The following WDPCP variants were observed in gnomAD, a reference collection of about 807,000 sequenced individuals.
The protein encoded by WDPCP is WD repeat-containing and planar cell polarity effector protein fritz homolog.
A neutral mutation model predicts 93.1 loss-of-function variants in WDPCP; 71 were observed. That is an observed-to-expected ratio of 0.76 (90% CI 0.63 to 0.93). WDPCP has a LOEUF of 0.93. WDPCP is among the 40% of genes least tolerant of loss of function. The pLI is 0.00. For missense variants in WDPCP, 844 were observed against 887.4 expected (o/e 0.95, Z 0.62); for synonymous variants, 315 against 315.0 (o/e 1.00, Z 0.00).
At chr2:63,565,010 C>T (rs1706928105) in intron 1 of WDPCP, among the ~76,000 whole-genome samples, 1 of 152,164 alleles carries the variant, frequency 6.6e-6, no homozygotes, top group Admixed American at 6.5e-5. Context: ...ATCTCCTGAC[C>T]TCATGATCTG....
intron 9 of WDPCP, among the ~76,000 whole-genome samples, chr2:63,428,426 T>C (rs2105416255): frequency 6.6e-6 from 1 of 152,302 alleles, no homozygotes; most frequent in Non-Finnish European, 1.5e-5. Context: ...CAAGGTTGGT[T>C]CAACATACAC....
chr2:63,287,710 A>T (rs79317073), intron 13 of WDPCP, among the ~76,000 whole-genome samples: 229 of 152,352 alleles, frequency 1.5e-3, no homozygotes, highest in African/African-American at 5.3e-3. Flanking sequence ...CATCATTTCC[A>T]GAGATTTGGC....
chr2:63,367,945 T>G (rs546699496), intron 12 of WDPCP, among the ~76,000 whole-genome samples: 57 of 152,326 alleles, frequency 3.7e-4, no homozygotes, highest in Non-Finnish European at 6.3e-4. Context: ...AATTCAACAC[T>G]GCTGAGGCCC....
intron 9 of WDPCP, among the ~76,000 whole-genome samples, chr2:63,422,974 G>A (rs1343978401): frequency 2.0e-5 from 3 of 152,130 alleles, no homozygotes; most frequent in African/African-American, 7.2e-5. Context: ...GGTTTCTGGG[G>A]ATGCACACTC....
At chr2:63,727,021 G>A (rs1575759231) in intron 2 of WDPCP, among the ~76,000 whole-genome samples, 1 of 152,040 alleles carries the variant, frequency 6.6e-6, no homozygotes, top group Non-Finnish European at 1.5e-5. Flanking sequence ...TCCCTATTTC[G>A]ATATATTTGA....
intron 6 of WDPCP, among the ~76,000 whole-genome samples, chr2:63,474,166 T>C (rs532388705): frequency 1.3e-5 from 2 of 152,248 alleles, no homozygotes; most frequent in Non-Finnish European, 2.9e-5. Flanking sequence ...TATATTCAGG[T>C]AATATAGAAC....
intron 3 of WDPCP, chr2:63,594,713 A>T: frequency 1.5e-6 from 1 of 674,470 alleles, no homozygotes. Flanking sequence ...TGTAATAGGC[A>T]CATTGCTATA....
At chr2:63,298,052 T>C (rs1685008461) in intron 13 of WDPCP, among the ~76,000 whole-genome samples, 1 of 152,200 alleles carries the variant, frequency 6.6e-6, no homozygotes, top group Non-Finnish European at 1.5e-5. Context: ...TGGCAGTACC[T>C]GACTTTTACA....
intron 12 of WDPCP, among the ~76,000 whole-genome samples, chr2:63,376,045 A>C (rs1691829766): frequency 6.6e-6 from 1 of 151,944 alleles, no homozygotes; most frequent in South Asian, 2.1e-4. Flanking sequence ...CTAGCACTTC[A>C]CAAATACAAA....
chr2:63,405,217 G>T (rs1055616907), intron 9 of WDPCP, among the ~76,000 whole-genome samples: 1 of 151,996 alleles, frequency 6.6e-6, no homozygotes, highest in African/African-American at 2.4e-5. Context: ...TTAGAAACCT[G>T]TTAACAATCT....
chr2:63,240,949 A>G (rs1361497220), intron 14 of WDPCP, among the ~76,000 whole-genome samples: 2 of 152,210 alleles, frequency 1.3e-5, no homozygotes, highest in African/African-American at 2.4e-5. Context: ...CTAGTATTTC[A>G]GAATTCAAAA....
intron 13 of WDPCP, among the ~76,000 whole-genome samples, chr2:63,259,928 G>A (rs924713616): frequency 2.0e-5 from 3 of 152,174 alleles, no homozygotes; most frequent in African/African-American, 4.8e-5. Flanking sequence ...CCATATCTCA[G>A]AAAGCTGTAT....
intron 2 of WDPCP, among the ~76,000 whole-genome samples, chr2:63,691,077 T>C (rs901617015): frequency 1.3e-5 from 2 of 152,178 alleles, no homozygotes; most frequent in African/African-American, 2.4e-5. Flanking sequence ...TAAGCAACAA[T>C]AACATCAATG....
chr2:63,581,853 C>T (rs911513954), intron 1 of WDPCP, among the ~76,000 whole-genome samples: 1 of 151,820 alleles, frequency 6.6e-6, no homozygotes, highest in Non-Finnish European at 1.5e-5. Flanking sequence ...CAAAAAACTA[C>T]AAGAAATTAG....
At chr2:63,733,391 A>G (rs113905588) in intron 2 of WDPCP, among the ~76,000 whole-genome samples, 14,063 of 147,094 alleles carry the variant, frequency 0.096, 1,083 homozygotes, top group Non-Finnish European at 0.14. Context: ...TTTAGTAGAG[A>G]CGGGGTTTCA....
the WDPCP span, among the ~76,000 whole-genome samples, chr2:63,834,921 C>T: frequency 6.6e-6 from 1 of 152,134 alleles, no homozygotes; most frequent in Non-Finnish European, 1.5e-5. Flanking sequence ...TTTGGTCTGA[C>T]TGATCCAACA....
intron 13 of WDPCP, among the ~76,000 whole-genome samples, chr2:63,308,857 T>A (rs1176718857): frequency 6.6e-6 from 1 of 152,136 alleles, no homozygotes; most frequent in Non-Finnish European, 1.5e-5. Context: ...AACCTGCATG[T>A]TCCGCACATG....
intron 14 of WDPCP, among the ~76,000 whole-genome samples, chr2:63,200,545 C>G (rs530664807): frequency 6.6e-6 from 1 of 152,036 alleles, no homozygotes; most frequent in Non-Finnish European, 1.5e-5. Context: ...TGCAACAACA[C>G]GGATGGAAGT....
At chr2:63,544,424 A>G (rs527473612) in intron 1 of WDPCP, among the ~76,000 whole-genome samples, 7 of 152,192 alleles carry the variant, frequency 4.6e-5, no homozygotes, top group Non-Finnish European at 8.8e-5. Context: ...TTTGGATTTT[A>G]ATTATAATCT....
Sources: gnomAD v4.1 joint callset for allele counts (sites outside exome capture counted in the v4.1 genomes callset) on GRCh38, gnomAD v4.1.1 for gene constraint, MANE v1.5 for transcripts, NCBI Gene and HGNC (gene_info 2026-07-23, HGNC 2026-07-21) for gene names.